Variants in USP22 observed in about 807,000 individuals in gnomAD.
USP22 encodes ubiquitin carboxyl-terminal hydrolase 22.
USP22 carries 22 observed loss-of-function variants against 68.1 expected under a neutral mutation model. The observed-to-expected ratio is 0.32, with a 90% CI of 0.23 to 0.46. USP22 has a LOEUF of 0.46. USP22 is among the 20% of genes least tolerant of loss of function. The pLI is 1.00. For synonymous variants in USP22, 279 were observed against 274.2 expected, an observed-to-expected ratio of 1.02 and a Z score of -0.17; for missense variants, 433 against 695.8, an observed-to-expected ratio of 0.62 and a Z score of 4.25.
intron 10 of USP22, among the ~76,000 whole-genome samples, chr17:21,005,898 G>A (rs1195433245): frequency 6.6e-6 from 1 of 152,166 alleles, no homozygotes; most frequent in Non-Finnish European, 1.5e-5. Context: ...GATCTGCCTA[G>A]GTCCTAAAGC....
intron 2 of USP22, 106 bp downstream of exon 2, chr17:21,028,436 C>T (rs1222422382): frequency 1.3e-6 from 2 of 1,530,982 alleles, no homozygotes; most frequent in Admixed American, 1.8e-5. Context: ...TTACTTGAGA[C>T]AAACGACAAA....
intron 1 of USP22, among the ~76,000 whole-genome samples, chr17:21,040,697 A>T (rs1055353586): frequency 3.9e-5 from 6 of 152,152 alleles, no homozygotes; most frequent in African/African-American, 1.4e-4. Context: ...AAAAAATACC[A>T]GAGGGGGGAA....
intron 8 of USP22, among the ~76,000 whole-genome samples, chr17:21,008,272 G>A (rs1913840154): frequency 6.6e-6 from 1 of 152,122 alleles, no homozygotes; most frequent in South Asian, 2.1e-4. Context: ...TTGAATTTGA[G>A]CCAGAGAAAT....
chr17:21,030,003 T>C (rs1972268575), intron 1 of USP22, among the ~76,000 whole-genome samples: 1 of 152,240 alleles, frequency 6.6e-6, no homozygotes, highest in African/African-American at 2.4e-5. Flanking sequence ...AACTGTATTA[T>C]GTGAATTTCA....
intron 2 of USP22, among the ~76,000 whole-genome samples, chr17:21,022,060 A>G (rs1432618320): frequency 1.3e-5 from 2 of 152,206 alleles, no homozygotes; most frequent in Non-Finnish European, 2.9e-5. Context: ...AGATCTTGCC[A>G]CTGCACTCCA....
intron 12 of USP22, 117 bp from the exon 13 acceptor site, chr17:21,003,190 G>A (rs915206227): frequency 4.8e-6 from 6 of 1,261,990 alleles, no homozygotes; most frequent in African/African-American, 3.0e-5. Context: ...GGCCAGGCCC[G>A]AGTTGATGGT....
chr17:21,030,635 C>T (rs1411350499), intron 1 of USP22, among the ~76,000 whole-genome samples: 1 of 152,166 alleles, frequency 6.6e-6, no homozygotes, highest in Admixed American at 6.5e-5. Flanking sequence ...CCATCTGGAA[C>T]CTGCTCCTGA....
Position 21,042,764 on chromosome 17 carries a change from C to T in USP22, c.72G>A (p.Ser24=). The part of the protein sequence containing the change: ...AELAVAPPGC[S]HLGSFKVDNW... ...TGTCCACCTTGAAGCTGCCCAGGTG[C>T]GAGCAGCCCGGCGGCGCTACCGCCA... Residue 24 remains serine, a synonymous_variant, in exon 1 of 13, where the codon TCG becomes TCA. Coordinates refer to ENST00000261497, the MANE Select transcript of USP22 (RefSeq NM_015276.2). 1.3e-6 allele frequency: 2 copies of T among 1,496,780 alleles called. No individual in the cohort carries two copies. Among genetic ancestry groups the T allele is most frequent in the Non-Finnish European group, 8.9e-7 (1 of 1,125,126 alleles). The allele number at this position is 1,496,780 out of a possible 1,614,324, so 92.7% of individuals were successfully genotyped here. A position where few individuals can be genotyped will look rare whatever the true frequency, so the allele number is the denominator to read the frequency against.
rs535500425 is a variant in USP22 at position 21,031,317 on chromosome 17, T to A, written c.172-2643A>T. On this transcript the variant is annotated intron_variant, in intron 1 of 12. Transcript: ENST00000261497. The stretch of plus-strand genomic sequence containing the variant: ...ATAAACTATACTACAGTTAATTGAG[T>A]AAAGTACACAGCAATGAAAAGGAAC... Among the ~76,000 whole-genome samples the A allele has an allele frequency of 2.6e-5, 4 of 152,308 alleles. No homozygotes were observed. The South Asian group carries it at 8.3e-4, about 32-fold the overall frequency.
rs904485398 is a variant in USP22 at position 21,000,641 on chromosome 17, C to A, written c.*2390G>T. 2 of 150,200 alleles carry A rather than the reference C, an allele frequency of 1.3e-5. No individual in the cohort carries two copies. The highest frequency in any genetic ancestry group is 4.8e-5 in the African/African-American group (2 of 41,270). 9.3% of individuals were successfully genotyped at this position (150,200 alleles called of 1,614,324 possible). A position where few individuals can be genotyped will look rare whatever the true frequency, so the allele number is the denominator to read the frequency against. Reference sequence around the variant, plus strand: ...CAGCTGCCAGAAAGCCTTCTGCACTCCGCAAGACACCCCAGTAAACTGGGG... The same window carrying A: ...CAGCTGCCAGAAAGCCTTCTGCACTACGCAAGACACCCCAGTAAACTGGGG... On this transcript the variant is annotated 3_prime_UTR_variant, in exon 13 of 13. Coordinates refer to ENST00000261497, the MANE Select transcript of USP22 (RefSeq NM_015276.2).
chr17:21,033,736 G>A (rs956104977), intron 1 of USP22, among the ~76,000 whole-genome samples: 4 of 150,294 alleles, frequency 2.7e-5, no homozygotes, highest in African/African-American at 9.9e-5. Context: ...ACTGACATAA[G>A]TGAAGGGACA....
chr17:21,043,180 C>G (rs1201359618), upstream of USP22: 1 of 159,774 alleles, frequency 6.3e-6, no homozygotes, highest in Non-Finnish European at 1.3e-5. Flanking sequence ...CCGCGCCAGG[C>G]CCTTCCCCCA....
chr17:21,030,975 T>C (rs776943070), intron 1 of USP22, among the ~76,000 whole-genome samples: 1 of 152,352 alleles, frequency 6.6e-6, no homozygotes, highest in Non-Finnish European at 1.5e-5. Context: ...TAAACTACCA[T>C]GATGTCTACA....
chr17:21,036,091 G>C (rs1271933328), intron 1 of USP22, among the ~76,000 whole-genome samples: 2 of 149,234 alleles, frequency 1.3e-5, no homozygotes, highest in Non-Finnish European at 3.0e-5. Context: ...GGATACAATG[G>C]ATATTGCTAG....
intron 9 of USP22, among the ~76,000 whole-genome samples, chr17:21,007,563 CAG>C (rs951614854): frequency 9.1e-4 from 139 of 152,292 alleles, no homozygotes; most frequent in African/African-American, 3.2e-3. Flanking sequence ...TAAAATAAAA[CAG>C]AAAACCTGAG....
intron 12 of USP22, 112 bp from the exon 13 acceptor site, chr17:21,003,185 G>A (rs1913652119): frequency 6.1e-6 from 8 of 1,302,886 alleles, no homozygotes; most frequent in South Asian, 4.9e-5. Flanking sequence ...AGGTCGGCCA[G>A]GCCCGAGTTG....
At chr17:21,032,602 G>T (rs891236159) in intron 1 of USP22, among the ~76,000 whole-genome samples, 2 of 152,110 alleles carry the variant, frequency 1.3e-5, no homozygotes, top group Non-Finnish European at 2.9e-5. Context: ...ACTCACATGG[G>T]GTTCACATTC....
chr17:21,021,559 T>C (rs1972156778), intron 2 of USP22, among the ~76,000 whole-genome samples: 1 of 152,214 alleles, frequency 6.6e-6, no homozygotes, highest in Non-Finnish European at 1.5e-5. Flanking sequence ...CTGCATTGGA[T>C]ATTTTCAGTC....
chr17:21,034,990 A>G (rs1276588679), intron 1 of USP22, among the ~76,000 whole-genome samples: 1 of 152,164 alleles, frequency 6.6e-6, no homozygotes, highest in Non-Finnish European at 1.5e-5. Flanking sequence ...GTATCCCTCA[A>G]GGATGGGGGT....
Sources: gnomAD v4.1 joint callset for allele counts (sites outside exome capture counted in the v4.1 genomes callset) on GRCh38, gnomAD v4.1.1 for gene constraint, MANE v1.5 for transcripts, NCBI Gene and HGNC (gene_info 2026-07-23, HGNC 2026-07-21) for gene names.